The following DAB1 variants were observed in gnomAD, a reference collection of about 807,000 sequenced individuals.
The protein encoded by DAB1 is disabled homolog 1.
DAB1 carries 15 observed loss-of-function variants against 64.6 expected under a neutral mutation model. The ratio of observed to expected loss-of-function variants is 0.23; its 90% CI spans 0.16 to 0.36. DAB1 has a LOEUF of 0.36. Among genes scored for constraint, DAB1 ranks in the 10% least tolerant of loss-of-function variants. The pLI, the probability that DAB1 is intolerant of heterozygous loss-of-function variation, is 1.00. For synonymous variants in DAB1, 235 were observed against 251.9 expected (o/e 0.93, Z 0.64); for missense variants, 596 against 706.7 (o/e 0.84, Z 1.78).
chr1:56,998,388 G>A (rs567498971), intron 14 of DAB1, among the ~76,000 whole-genome samples: 2 of 152,330 alleles, frequency 1.3e-5, no homozygotes, highest in Admixed American at 1.3e-4. Flanking sequence ...GCATGGTATA[G>A]TAGGGAGAGT....
At chr1:57,473,566 C>T (rs183580135) in intron 7 of DAB1, among the ~76,000 whole-genome samples, 126 of 152,302 alleles carry the variant, frequency 8.3e-4, no homozygotes, top group African/African-American at 2.8e-3. Flanking sequence ...AAGGCAGACT[C>T]GTGAAGACTA....
chr1:57,461,979 G>A (rs1049968528), intron 7 of DAB1, among the ~76,000 whole-genome samples: 2 of 99,348 alleles, frequency 2.0e-5, no homozygotes, highest in Admixed American at 3.0e-4. Context: ...TTTACACAAA[G>A]TCTTGTCCTT....
intron 1 of DAB1, among the ~76,000 whole-genome samples, chr1:57,374,931 C>T (rs1036845271): frequency 6.6e-6 from 1 of 152,176 alleles, no homozygotes; most frequent in African/African-American, 2.4e-5. Flanking sequence ...TCATAAGGTG[C>T]AGCAGCCCAT....
chr1:58,533,672 T>C (rs919083942), intron 1 of DAB1, among the ~76,000 whole-genome samples: 1 of 152,158 alleles, frequency 6.6e-6, no homozygotes, highest in African/African-American at 2.4e-5. Flanking sequence ...AAAATTTAAT[T>C]TGAAATAATT....
intron 4 of DAB1, among the ~76,000 whole-genome samples, chr1:58,205,118 G>A (rs1027576811): frequency 1.3e-5 from 2 of 152,102 alleles, no homozygotes; most frequent in Admixed American, 6.6e-5. Context: ...GGAGCCTGCC[G>A]GGCCCCAATC....
At chr1:58,192,413 CT>C (rs1401843287) in intron 4 of DAB1, among the ~76,000 whole-genome samples, 1 of 152,166 alleles carries the variant, frequency 6.6e-6, no homozygotes, top group Non-Finnish European at 1.5e-5. Context: ...ACCCTCACCT[CT>C]CCCCCACCCT....
chr1:57,571,552 G>C (rs1426621425), intron 7 of DAB1, among the ~76,000 whole-genome samples: 1 of 152,156 alleles, frequency 6.6e-6, no homozygotes, highest in Non-Finnish European at 1.5e-5. Context: ...ATTTGAGAGA[G>C]GTACATTACA....
At chr1:57,167,400 G>C (rs1661302434) in intron 2 of DAB1, among the ~76,000 whole-genome samples, 2 of 152,078 alleles carry the variant, frequency 1.3e-5, no homozygotes, top group Admixed American at 6.6e-5. Flanking sequence ...GTCACCCCTT[G>C]TATGCTTCTA....
intron 5 of DAB1, among the ~76,000 whole-genome samples, chr1:58,013,279 A>T (rs368778105): frequency 6.6e-6 from 1 of 152,192 alleles, no homozygotes; most frequent in Admixed American, 6.5e-5. Flanking sequence ...CAAATAAAAA[A>T]GTGGGCATGA....
intron 3 of DAB1, among the ~76,000 whole-genome samples, chr1:58,456,185 G>A (rs1291710597): frequency 6.6e-6 from 1 of 152,268 alleles, no homozygotes; most frequent in Non-Finnish European, 1.5e-5. Context: ...AAGGTCAAAT[G>A]AGGGAGAGCA....
At chr1:58,296,209 GAAAGAAAGAA>G (rs1414608474) in intron 4 of DAB1, among the ~76,000 whole-genome samples, 1 of 132,064 alleles carries the variant, frequency 7.6e-6, no homozygotes, top group African/African-American at 3.1e-5. Flanking sequence ...AAGAAAGAAA[GAAAGAAAGAA>G]AGAAAGAAAG....
chr1:58,359,643 C>T (rs899467910), intron 3 of DAB1, among the ~76,000 whole-genome samples: 1 of 130,780 alleles, frequency 7.6e-6, no homozygotes, highest in African/African-American at 2.7e-5. Flanking sequence ...CACATGTTGA[C>T]TCATGAAGAA....
intron 3 of DAB1, among the ~76,000 whole-genome samples, chr1:58,447,191 G>A (rs1645077284): frequency 6.6e-6 from 1 of 152,172 alleles, no homozygotes; most frequent in Admixed American, 6.5e-5. Flanking sequence ...AAAAATCAAA[G>A]AAAGGGTTTG....
chr1:58,005,178 A>G (rs546513449), intron 5 of DAB1, among the ~76,000 whole-genome samples: 1 of 152,308 alleles, frequency 6.6e-6, no homozygotes, highest in South Asian at 2.1e-4. Flanking sequence ...GTGTGTAACC[A>G]TCACCATAAA....
chr1:57,106,194 A>G (rs1655124607), intron 4 of DAB1, among the ~76,000 whole-genome samples: 1 of 152,092 alleles, frequency 6.6e-6, no homozygotes, highest in African/African-American at 2.4e-5. Context: ...AATGGCACAT[A>G]GAGCTCCTGC....
chr1:57,414,352 C>T (rs1471668950), intron 1 of DAB1, among the ~76,000 whole-genome samples: 1 of 152,194 alleles, frequency 6.6e-6, no homozygotes, highest in East Asian at 1.9e-4. Flanking sequence ...GAGGTAAAAC[C>T]CTCCACCAGC....
intron 4 of DAB1, among the ~76,000 whole-genome samples, chr1:57,084,403 T>G (rs1479943673): frequency 6.6e-6 from 1 of 152,224 alleles, no homozygotes; most frequent in African/African-American, 2.4e-5. Context: ...GACACCTTGA[T>G]CTGGGATGTC....
At chr1:57,614,757 C>T (rs1229965604) in intron 7 of DAB1, among the ~76,000 whole-genome samples, 1 of 151,988 alleles carries the variant, frequency 6.6e-6, no homozygotes, top group East Asian at 1.9e-4. Flanking sequence ...GGGCTAGCGA[C>T]CACTGGTTTG....
chr1:58,015,281 T>A (rs1019377775), intron 5 of DAB1, among the ~76,000 whole-genome samples: 1 of 152,150 alleles, frequency 6.6e-6, no homozygotes, highest in Admixed American at 6.5e-5. Context: ...ATGGTTTACA[T>A]CTCCTGAACC....
Sources: allele counts gnomAD v4.1 joint callset (sites outside exome capture counted in the v4.1 genomes callset), GRCh38; gene constraint gnomAD v4.1.1; transcripts MANE v1.5; gene names NCBI Gene and HGNC (gene_info 2026-07-23, HGNC 2026-07-21).